GLYR1: variants seen among roughly 807,000 people sequenced by gnomAD.
GLYR1 encodes the protein cytokine-like nuclear factor N-PAC.
Under a neutral mutation model 72.7 loss-of-function variants are expected in GLYR1, and 21 were observed. The ratio of observed to expected loss-of-function variants is 0.29; its 90% CI spans 0.20 to 0.42. The LOEUF (loss-of-function observed/expected upper bound fraction) is 0.42. GLYR1 is among the 10% of genes least tolerant of loss of function. The pLI, the probability that GLYR1 is intolerant of heterozygous loss-of-function variation, is 1.00. For missense variants in GLYR1, 594 were observed against 712.1 expected (o/e 0.83, Z 1.89); for synonymous variants, 392 against 270.2 (o/e 1.45, Z -4.42).
At chr16:4,826,851 T>C (rs1281725173) in intron 5 of GLYR1, among the ~76,000 whole-genome samples, 1 of 152,176 alleles carries the variant, frequency 6.6e-6, no homozygotes, top group South Asian at 2.1e-4. Context: ...GGTGCAGCCC[T>C]AGGACTCACC....
intron 3 of GLYR1, chr16:4,843,856 GAGGCTGA>G: frequency 5.4e-6 from 1 of 185,854 alleles, no homozygotes; most frequent in Non-Finnish European, 1.1e-5. Context: ...AGCACTTTGG[GAGGCTGA>G]GGGGGTTGGG....
intron 3 of GLYR1, among the ~76,000 whole-genome samples, chr16:4,844,783 T>G (rs2085854234): frequency 6.6e-6 from 1 of 152,168 alleles, no homozygotes. Flanking sequence ...AGGAACTGCC[T>G]TTGGAGTTGG....
chr16:4,826,843 T>C (rs1042736685), intron 5 of GLYR1, among the ~76,000 whole-genome samples: 1 of 152,054 alleles, frequency 6.6e-6, no homozygotes, highest in Admixed American at 6.6e-5. Flanking sequence ...TCTTGGGTGG[T>C]GCAGCCCTAG....
intron 11 of GLYR1, 59 bp downstream of exon 11, chr16:4,814,478 G>T: frequency 7.6e-7 from 1 of 1,313,586 alleles, no homozygotes; most frequent in Non-Finnish European, 1.1e-6. Flanking sequence ...AGGGGAAGAG[G>T]CCAGCCAGCA....
At chr16:4,836,420 A>G (rs76253733) in intron 3 of GLYR1, among the ~76,000 whole-genome samples, 3,752 of 152,330 alleles carry the variant, frequency 0.025, 70 homozygotes, top group Non-Finnish European at 0.036. Flanking sequence ...AGATGGAGCT[A>G]TATCTTTCAG....
At chr16:4,823,630 G>A (rs556998397) in intron 6 of GLYR1, among the ~76,000 whole-genome samples, 191 bp downstream of exon 6, 5 of 151,680 alleles carry the variant, frequency 3.3e-5, no homozygotes, top group African/African-American at 9.7e-5. Flanking sequence ...ACTGAAATCC[G>A]TCACCTCGAG....
At position 4,831,992 on chromosome 16, in the gene GLYR1, G is replaced by A. The variant is rs759311356; in HGVS notation, c.524C>T (p.Pro175Leu). 3.7e-6 allele frequency: 6 copies of A among 1,613,474 alleles called. No individual in the cohort carries two copies. The East Asian group carries it at 8.9e-5, about 24-fold the overall frequency. The change falls in exon 5 of 16, where the codon CCA (proline) becomes CTA (leucine). Residue 175 changes from proline (P) to leucine (L), a missense_variant. Pro to Leu is a moderately conservative substitution (Grantham distance 98, BLOSUM62 -3). Around this residue, in one of 5 missense-constraint regions of GLYR1, gnomAD observed 252 missense variants for 211.3 expected, o/e 1.19. Coordinates refer to ENST00000321919, the MANE Select transcript of GLYR1 (RefSeq NM_032569.4). ...EQSPRKRGRPPKDEKDLTIPE... is the reference protein window; with the variant it reads ...EQSPRKRGRPLKDEKDLTIPE... ...GAGAAAACAAACCTTCTCATCCTTT[G>A]GGGGCCGACCCCGCTTCCGGGGACT...
intron 15 of GLYR1, among the ~76,000 whole-genome samples, chr16:4,807,654 A>G (rs1303351549): frequency 6.6e-6 from 1 of 152,168 alleles, no homozygotes; most frequent in Non-Finnish European, 1.5e-5. Context: ...ATTAACCTAA[A>G]AACTCTGCTT....
chr16:4,834,862 G>A (rs2085034110), intron 3 of GLYR1, among the ~76,000 whole-genome samples: 1 of 152,174 alleles, frequency 6.6e-6, no homozygotes, highest in African/African-American at 2.4e-5. Flanking sequence ...TTCGACCCCA[G>A]ATTTTCTGGC....
At chr16:4,805,354 C>T (rs2082906695) in intron 15 of GLYR1, 44 bp from the exon 16 acceptor site, 3 of 1,531,752 alleles carry the variant, frequency 2.0e-6, no homozygotes, top group East Asian at 2.3e-5. Flanking sequence ...CCAGAGCTGC[C>T]TTCAAGACCT....
At position 4,805,433 on chromosome 16, in the gene GLYR1, A is replaced by C. The variant is rs777426440; in HGVS notation, c.1588-123T>G. On this transcript the variant is annotated intron_variant, in intron 15 of 15. Coordinates refer to ENST00000321919, the MANE Select transcript of GLYR1 (RefSeq NM_032569.4). ...GTGCTGGAGCCCAGGCTGTCCGGTT[A>C]GGAATCCTGTGTTGACCTTGCATGA... 4 of 788,816 alleles carry C rather than the reference A, an allele frequency of 5.1e-6. No homozygotes were observed. The Admixed American group carries it at 8.1e-5, about 16-fold the overall frequency. 48.9% of individuals were successfully genotyped at this position (788,816 alleles called of 1,614,324 possible).
chr16:4,833,056 T>C lies in GLYR1; in HGVS notation c.156-144A>G, dbSNP rs144019848. The stretch of plus-strand genomic sequence containing the variant: ...CCTTGCCATTTCTTTCAAAACATGC[T>C]ATCAACCATCTCAGAGTCTTATGTC... On this transcript the variant is annotated intron_variant, in intron 3 of 15. Coordinates refer to ENST00000321919, the MANE Select transcript of GLYR1 (RefSeq NM_032569.4). 2.0e-3 allele frequency: 1,286 copies of C among 643,406 alleles called. 8 individuals are homozygous for C. The African/African-American group carries it at 0.021, about 11-fold the overall frequency. The allele number at this position is 643,406 out of a possible 1,614,324, so 39.9% of individuals were successfully genotyped here. A position where few individuals can be genotyped will look rare whatever the true frequency, so the allele number is the denominator to read the frequency against.
At chr16:4,812,981 G>C (rs1243036505) in intron 12 of GLYR1, among the ~76,000 whole-genome samples, 1 of 94,646 alleles carries the variant, frequency 1.1e-5, no homozygotes, top group Non-Finnish European at 2.2e-5. Context: ...TTTTTTTTTT[G>C]AGACGGAGTC....
chr16:4,828,697 C>T (rs2084590959), intron 5 of GLYR1, among the ~76,000 whole-genome samples: 1 of 152,042 alleles, frequency 6.6e-6, no homozygotes, highest in African/African-American at 2.4e-5. Context: ...AGGCACTGTT[C>T]TAAGTGCTGT....
intron 10 of GLYR1, among the ~76,000 whole-genome samples, chr16:4,817,369 T>C (rs774982826): frequency 3.5e-4 from 53 of 152,122 alleles, no homozygotes; most frequent in Non-Finnish European, 6.0e-4. Context: ...TCCGCCCGCC[T>C]CAGCCTCCCA....
intron 3 of GLYR1, among the ~76,000 whole-genome samples, chr16:4,838,463 T>C (rs1351129372): frequency 1.3e-5 from 2 of 152,202 alleles, no homozygotes; most frequent in Non-Finnish European, 2.9e-5. Flanking sequence ...AGGTAGGCAC[T>C]TGCAGCTTCT....
chr16:4,809,742 G>A (rs1258101423), intron 15 of GLYR1, among the ~76,000 whole-genome samples: 3 of 151,782 alleles, frequency 2.0e-5, no homozygotes, highest in South Asian at 2.1e-4. Context: ...TGGCCAACAT[G>A]GTGAAACCTC....
intron 9 of GLYR1, 184 bp from the exon 10 acceptor site, chr16:4,817,881 G>C: frequency 1.7e-6 from 1 of 587,672 alleles, no homozygotes. Context: ...CTTCTCTTAT[G>C]CCATGGTCTA....
chr16:4,814,038 T>C (rs2083475951), intron 11 of GLYR1, 200 bp from the exon 12 acceptor site: 2 of 456,246 alleles, frequency 4.4e-6, no homozygotes, highest in South Asian at 4.7e-5. Context: ...AAAGAATCTA[T>C]GTGAGTGTGT....
Sources: allele counts gnomAD v4.1 joint callset (sites outside exome capture counted in the v4.1 genomes callset), GRCh38; gene constraint gnomAD v4.1.1; regional missense constraint gnomAD v4.1.1; transcripts MANE v1.5; gene names NCBI Gene and HGNC (gene_info 2026-07-23, HGNC 2026-07-21).